The following SEPTIN7 variants were observed in gnomAD, a reference collection of about 807,000 sequenced individuals.
SEPTIN7 encodes septin 7, also known as septin-7.
In SEPTIN7, 10 loss-of-function variants were observed where a neutral mutation model predicts 63.3. That is an observed-to-expected ratio of 0.16 (90% confidence interval 0.10 to 0.27). The LOEUF (loss-of-function observed/expected upper bound fraction) is 0.27, where lower values mean the gene tolerates loss of function less well. SEPTIN7 is among the 10% of genes least tolerant of loss of function. The pLI, the probability that SEPTIN7 is intolerant of heterozygous loss-of-function variation, is 1.00. For missense variants in SEPTIN7, 310 were observed against 521.0 expected (o/e 0.59, Z 3.94); for synonymous variants, 131 against 165.3 (o/e 0.79, Z 1.59).
At chr7:35,903,379 T>TA (rs1788435051) in intron 13 of SEPTIN7, among the ~76,000 whole-genome samples, 164 bp downstream of exon 13, 1 of 140,418 alleles carries the variant, frequency 7.1e-6, no homozygotes, top group Admixed American at 7.7e-5. Flanking sequence ...TATGGATGGA[T>TA]ACAGTCTGTG....
intron 1 of SEPTIN7, among the ~76,000 whole-genome samples, chr7:35,802,082 C>T (rs1788030105): frequency 6.6e-6 from 1 of 152,132 alleles, no homozygotes; most frequent in Non-Finnish European, 1.5e-5. Flanking sequence ...GGGAAGGGTC[C>T]TTGGAAAAGG....
Position 35,882,505 on chromosome 7 carries a change from C to A in SEPTIN7, c.652C>A (p.His218Asn). 1 of 1,472,370 alleles carries A rather than the reference C, an allele frequency of 6.8e-7. No individual in the cohort carries two copies. The highest frequency in any genetic ancestry group is 9.1e-7 in the Non-Finnish European group (1 of 1,100,264). The allele number at this position is 1,472,370 out of a possible 1,614,324, so 91.2% of individuals were successfully genotyped here. ...KKQIMKEIQE[H>N]KIKIYEFPET... ...TTAGATAATGAAAGAAATCCAAGAA[C>A]ATAAAATTAAAATATACGAATTTCC... Residue 218 changes from histidine to asparagine, a missense_variant, in exon 8 of 14, where the codon CAT becomes AAT. Physicochemically the swap from His to Asn is moderately conservative, Grantham distance 68. Transcript: ENST00000350320.
At chr7:35,886,092 A>C (rs1281266051) in intron 10 of SEPTIN7, among the ~76,000 whole-genome samples, 1 of 152,238 alleles carries the variant, frequency 6.6e-6, no homozygotes, top group Non-Finnish European at 1.5e-5. Context: ...GATACATAGG[A>C]AAATTAGTCT....
chr7:35,861,695 G>T (rs1427372343), intron 3 of SEPTIN7, among the ~76,000 whole-genome samples: 2 of 152,122 alleles, frequency 1.3e-5, no homozygotes, highest in African/African-American at 2.4e-5. Flanking sequence ...TTCATAAATG[G>T]TGCCCATTGC....
At chr7:35,854,172 G>A (rs887004169) in intron 3 of SEPTIN7, among the ~76,000 whole-genome samples, 7 of 152,096 alleles carry the variant, frequency 4.6e-5, no homozygotes, top group African/African-American at 4.8e-5. Flanking sequence ...AATCCAACAC[G>A]CTTCTGGTCC....
downstream of SEPTIN7, among the ~76,000 whole-genome samples, chr7:35,910,228 C>G (rs1161573820): frequency 1.3e-5 from 2 of 152,184 alleles, no homozygotes; most frequent in African/African-American, 4.8e-5. Flanking sequence ...CAGCTTAGTC[C>G]TGTTCAATGC....
chr7:35,901,897 C>G (rs376396588), intron 12 of SEPTIN7: 3 of 152,028 alleles, frequency 2.0e-5, no homozygotes, highest in Non-Finnish European at 2.9e-5. Context: ...GATATCACCT[C>G]AGATTTGATT....
At position 35,856,277 on chromosome 7, in the gene SEPTIN7, A is replaced by G. The variant is rs1010558371; in HGVS notation, c.170-7275A>G. On this transcript the variant is annotated intron_variant, in intron 3 of 13. Transcript: ENST00000350320. ...ATTGGCTTCTTTCGCTCACCAGCGT[A>G]CATTGGTCTCTGTCTTTTCATGGTT... is the stretch of plus-strand genomic sequence containing the variant. 2.6e-5 allele frequency among the ~76,000 whole-genome samples: 4 copies of G among 152,236 alleles called. 1 individual carries two copies. Among genetic ancestry groups the G allele is most frequent in the Admixed American group, 2.0e-4 (3 of 15,280 alleles).
chr7:35,865,415 T>C (rs1785758426), intron 4 of SEPTIN7, among the ~76,000 whole-genome samples: 1 of 152,228 alleles, frequency 6.6e-6, no homozygotes. Context: ...TTATATCTGT[T>C]TTCTTTCAGT....
intron 3 of SEPTIN7, among the ~76,000 whole-genome samples, chr7:35,860,307 C>T (rs1785437181): frequency 6.6e-6 from 1 of 152,016 alleles, no homozygotes; most frequent in Non-Finnish European, 1.5e-5. Context: ...ACATTATGTA[C>T]CTATTAACAC....
intron 3 of SEPTIN7, among the ~76,000 whole-genome samples, chr7:35,834,738 A>C (rs989896301): frequency 2.0e-5 from 3 of 152,126 alleles, no homozygotes; most frequent in Admixed American, 1.3e-4. Context: ...TTAGTATCTA[A>C]TATGTTGATT....
intron 3 of SEPTIN7, among the ~76,000 whole-genome samples, chr7:35,842,806 C>G (rs1784472801): frequency 6.6e-6 from 1 of 152,150 alleles, no homozygotes; most frequent in Non-Finnish European, 1.5e-5. Context: ...GGATGCTTCT[C>G]TTTTGTCCCC....
chr7:35,837,803 T>A (rs1453589371), intron 3 of SEPTIN7, among the ~76,000 whole-genome samples: 4 of 152,012 alleles, frequency 2.6e-5, no homozygotes, highest in Non-Finnish European at 4.4e-5. Flanking sequence ...GCAGTGTTGG[T>A]CCACTGCAAC....
intron 3 of SEPTIN7, among the ~76,000 whole-genome samples, chr7:35,862,439 G>A (rs569334195): frequency 2.0e-5 from 3 of 152,122 alleles, no homozygotes; most frequent in East Asian, 3.9e-4. Flanking sequence ...AAGAAATATT[G>A]TAGATATTTC....
At chr7:35,818,181 T>G (rs772252395) in intron 1 of SEPTIN7, among the ~76,000 whole-genome samples, 4 of 152,074 alleles carry the variant, frequency 2.6e-5, no homozygotes, top group Non-Finnish European at 5.9e-5. Context: ...TGTTTATCGT[T>G]GAAAGAGTGT....
intron 11 of SEPTIN7, among the ~76,000 whole-genome samples, chr7:35,893,861 G>A (rs1452011015): frequency 1.3e-5 from 2 of 152,162 alleles, no homozygotes; most frequent in Non-Finnish European, 2.9e-5. Flanking sequence ...GCTATAATTT[G>A]TCTCAAGGTT....
intron 12 of SEPTIN7, chr7:35,901,904 G>C (rs1265869335): frequency 2.0e-5 from 3 of 151,958 alleles, no homozygotes; most frequent in Non-Finnish European, 4.4e-5. Context: ...CCTCAGATTT[G>C]ATTCATGTTT....
At chr7:35,896,533 C>T (rs751210644) in intron 11 of SEPTIN7, among the ~76,000 whole-genome samples, 2 of 152,152 alleles carry the variant, frequency 1.3e-5, no homozygotes, top group African/African-American at 2.4e-5. Context: ...GTCATTGACA[C>T]TGTGTGTGCT....
intron 6 of SEPTIN7, chr7:35,874,028 T>A: frequency 2.9e-6 from 1 of 349,472 alleles, no homozygotes; most frequent in Non-Finnish European, 5.1e-6. Context: ...GTTGCCACCA[T>A]GGTTTGAGGT....
Sources: gnomAD v4.1 joint callset for allele counts (sites outside exome capture counted in the v4.1 genomes callset) on GRCh38, gnomAD v4.1.1 for gene constraint, MANE v1.5 for transcripts, NCBI Gene and HGNC (gene_info 2026-07-23, HGNC 2026-07-21) for gene names.